The following COL25A1 variants were observed in gnomAD, a reference collection of about 807,000 sequenced individuals.
COL25A1 encodes the protein collagen type XXV alpha 1 chain.
COL25A1 carries 103 observed loss-of-function variants against 128.4 expected under a neutral mutation model. The observed-to-expected ratio is 0.80, with a 90% CI of 0.68 to 0.94. The LOEUF is 0.94. Ranked by LOEUF, COL25A1 falls within the 40% of genes least tolerant of loss-of-function variation. The pLI is 0.00. For synonymous variants in COL25A1, 279 were observed against 277.2 expected (o/e 1.01, Z -0.06); for missense variants, 745 against 840.0 (o/e 0.89, Z 1.40).
intron 3 of COL25A1, among the ~76,000 whole-genome samples, chr4:109,224,536 A>C (rs931387034): frequency 6.6e-6 from 1 of 152,204 alleles, no homozygotes; most frequent in African/African-American, 2.4e-5. Context: ...AAAAAAAATC[A>C]AATCCATTTC....
At position 109,109,810 on chromosome 4, in the gene COL25A1, T is replaced by G. The variant is rs528210110; in HGVS notation, c.368-59631A>C. On this transcript the variant is annotated intron_variant, in intron 3 of 37. Transcript: ENST00000399132. Reference sequence around the variant, plus strand: ...CACATGTGAGCAGTTCCAGAACCAGTGTTGAAGATGTATTAGACACGGAAA... The same window carrying G: ...CACATGTGAGCAGTTCCAGAACCAGGGTTGAAGATGTATTAGACACGGAAA... Among the ~76,000 whole-genome samples, 9 of 152,252 alleles carry G rather than the reference T, an allele frequency of 5.9e-5. No individual in the cohort carries two copies. The East Asian group carries it at 1.2e-3, about 20-fold the overall frequency.
chr4:109,075,708 A>T (rs1763318272), intron 3 of COL25A1, among the ~76,000 whole-genome samples: 1 of 152,138 alleles, frequency 6.6e-6, no homozygotes, highest in African/African-American at 2.4e-5. Context: ...TATGCCTTTC[A>T]CTTCCTGTGT....
intron 3 of COL25A1, among the ~76,000 whole-genome samples, chr4:109,201,373 G>C (rs1340653869): frequency 6.6e-6 from 1 of 151,980 alleles, no homozygotes. Context: ...CACACAACAG[G>C]CTAAGAAAGA....
chr4:109,293,907 AC>A (rs1724715894), intron 3 of COL25A1, among the ~76,000 whole-genome samples: 1 of 152,124 alleles, frequency 6.6e-6, no homozygotes, highest in Admixed American at 6.6e-5. Flanking sequence ...AAAATCCTCA[AC>A]AGGTAAGTTC....
rs1765270820 is a variant in COL25A1, at chr4:109,095,004, C to G, written c.368-44825G>C. The stretch of plus-strand genomic sequence containing the variant: ...ACAACTTTTCAAAGAATACAATTCA[C>G]TTTATTCTACTCCCATATAACCAAC... On this transcript the variant is annotated intron_variant, in intron 3 of 37. Transcript: ENST00000399132. 3.3e-5 allele frequency among the ~76,000 whole-genome samples: 5 copies of G among 152,324 alleles called. No homozygotes were observed. The South Asian group carries it at 1.0e-3, about 32-fold the overall frequency.
intron 6 of COL25A1, 97 bp from the exon 7 acceptor site, chr4:108,974,656 C>T: frequency 1.0e-6 from 1 of 988,682 alleles, no homozygotes; most frequent in Non-Finnish European, 1.5e-6. Context: ...TCAAAGAATA[C>T]AGAGATAGCT....
intron 3 of COL25A1, among the ~76,000 whole-genome samples, chr4:109,247,118 C>A (rs1184837825): frequency 6.6e-6 from 1 of 152,136 alleles, no homozygotes; most frequent in African/African-American, 2.4e-5. Context: ...AATCCCAGCA[C>A]TTTGGGAGGC....
chr4:108,899,248 A>G, intron 14 of COL25A1, 68 bp from the exon 15 acceptor site: 1 of 1,414,386 alleles, frequency 7.1e-7, no homozygotes, highest in Admixed American at 1.9e-5. Context: ...TCATTATTAA[A>G]CAAAACAGAT....
Position 109,010,386 on chromosome 4 carries a change from A to G in COL25A1, c.421-11T>C. ...AGGACCAGGCTGTCCCTGAAATTAA[A>G]AAGAAAAAGAAAAACAATTACAAAA... is the stretch of plus-strand genomic sequence containing the variant. On this transcript the variant is annotated splice_polypyrimidine_tract_variant and intron_variant, in intron 5 of 37. Coordinates refer to ENST00000399132, the MANE Select transcript of COL25A1 (RefSeq NM_198721.4). 1 of 1,558,398 alleles carries G rather than the reference A, an allele frequency of 6.4e-7. No individual in the cohort carries two copies.
intron 8 of COL25A1, among the ~76,000 whole-genome samples, chr4:108,970,221 G>A (rs1751768759): frequency 6.6e-6 from 1 of 152,066 alleles, no homozygotes; most frequent in Admixed American, 6.6e-5. Flanking sequence ...TTTTTATAAA[G>A]AACATTTGGT....
At chr4:108,878,000 T>C (rs1189999250) in intron 19 of COL25A1, among the ~76,000 whole-genome samples, 4 of 152,086 alleles carry the variant, frequency 2.6e-5, no homozygotes, top group Non-Finnish European at 4.4e-5. Flanking sequence ...AACAAATACT[T>C]AGATGGGATT....
rs3113722 is a variant in COL25A1, at chr4:109,109,929, T to C, written c.368-59750A>G. ...AGCTTTCTTATTATCTCACATGTCA[T>C]TGTTTACTTCCTTTAAATCCCTCAT... On this transcript the variant is annotated intron_variant, in intron 3 of 37. Coordinates refer to ENST00000399132, the MANE Select transcript of COL25A1 (RefSeq NM_198721.4). 6.8e-4 allele frequency among the ~76,000 whole-genome samples: 103 copies of C among 152,304 alleles called. 1 individual carries two copies. Among genetic ancestry groups the C allele is most frequent in the African/African-American group, 2.3e-3 (97 of 41,572 alleles).
In COL25A1 at chr4:109,301,975, G is replaced by C. The variant is rs781616789; in HGVS notation, c.45C>G (p.Pro15=). 1.2e-6 allele frequency: 2 copies of C among 1,608,480 alleles called. No individual in the cohort carries two copies. Among genetic ancestry groups the C allele is most frequent in the East Asian group, 4.5e-5 (2 of 44,790 alleles). ...KHAGKGGGRE[P]RSEDPTPAEQ... The stretch of plus-strand genomic sequence containing the variant: ...CGGCAGGGGTCGGGTCCTCGGATCT[G>C]GGCTCCCGGCCCCCTCCTTTCCCTG... Residue 15 remains proline, a synonymous_variant, in exon 2 of 38, where the codon CCC becomes CCG. Coordinates refer to ENST00000399132, the MANE Select transcript of COL25A1 (RefSeq NM_198721.4).
intron 3 of COL25A1, among the ~76,000 whole-genome samples, chr4:109,260,097 T>C (rs1207645212): frequency 1.3e-5 from 2 of 152,226 alleles, no homozygotes; most frequent in Non-Finnish European, 2.9e-5. Context: ...AAACTGTCCT[T>C]AGTTTAACCC....
chr4:108,898,995 A>ATC (rs1742497410), intron 15 of COL25A1, among the ~76,000 whole-genome samples, 159 bp downstream of exon 15: 1 of 151,906 alleles, frequency 6.6e-6, no homozygotes, highest in African/African-American at 2.4e-5. Context: ...ATATATCTAT[A>ATC]TATCTATATA....
chr4:109,195,646 C>G (rs1212965422), intron 3 of COL25A1, among the ~76,000 whole-genome samples: 3 of 151,946 alleles, frequency 2.0e-5, no homozygotes, highest in Non-Finnish European at 4.4e-5. Context: ...ACAACTCAGC[C>G]CTAAGACCTT....
chr4:109,148,998 G>A (rs773860072), intron 3 of COL25A1, among the ~76,000 whole-genome samples: 1 of 152,178 alleles, frequency 6.6e-6, no homozygotes, highest in Middle Eastern at 3.4e-3. Flanking sequence ...AAAAACACAA[G>A]ATAAGTCAAC....
intron 13 of COL25A1, among the ~76,000 whole-genome samples, chr4:108,910,765 G>C (rs1578738759): frequency 6.6e-6 from 1 of 152,162 alleles, no homozygotes; most frequent in South Asian, 2.1e-4. Context: ...TCATAGAATT[G>C]CTATAAGGAC....
chr4:109,013,296 T>C (rs1201634068), intron 5 of COL25A1, among the ~76,000 whole-genome samples: 2 of 152,122 alleles, frequency 1.3e-5, no homozygotes, highest in Non-Finnish European at 2.9e-5. Flanking sequence ...AGCTAGAGGA[T>C]TGTAAATACA....
Sources: gnomAD v4.1 joint callset for allele counts (sites outside exome capture counted in the v4.1 genomes callset) on GRCh38, gnomAD v4.1.1 for gene constraint, MANE v1.5 for transcripts, NCBI Gene and HGNC (gene_info 2026-07-23, HGNC 2026-07-21) for gene names.